VPS45: variants seen among roughly 807,000 people sequenced by gnomAD.
VPS45 encodes the protein vacuolar protein sorting 45 homolog, also known as vacuolar protein sorting-associated protein 45.
Under a neutral mutation model 75.9 loss-of-function variants are expected in VPS45, and 35 were observed. The ratio of observed to expected loss-of-function variants is 0.46; its 90% CI spans 0.35 to 0.61. The LOEUF (loss-of-function observed/expected upper bound fraction) is 0.61, where lower values mean the gene tolerates loss of function less well. Among genes scored for constraint, VPS45 ranks in the 20% least tolerant of loss-of-function variants. The probability of loss-of-function intolerance (pLI) is 0.00; values close to 1 mark genes in which losing one functional copy is unlikely to be tolerated. For synonymous variants in VPS45, 220 were observed against 238.2 expected (o/e 0.92, Z 0.70); for missense variants, 559 against 685.9 (o/e 0.81, Z 2.07).
chr1:150,108,726 C>T (rs2101604812), intron 13 of VPS45, among the ~76,000 whole-genome samples: 1 of 152,266 alleles, frequency 6.6e-6, no homozygotes, highest in Admixed American at 6.5e-5. Flanking sequence ...CTACCTCACC[C>T]ATCATCAGGC....
Position 150,110,509 on chromosome 1 carries a change from A to G in VPS45, c.1507A>G (p.Ile503Val). ...STLRDRPQDI[I>V]VFVIGGATYE... ...TCATTATTGCAGACCTCAGGATATC[A>G]TTGTGTTTGTAATTGGAGGAGCCAC... The change falls in exon 14 of 15, where the codon ATT (isoleucine) becomes GTT (valine). Residue 503 changes from isoleucine (I) to valine (V), a missense_variant. Ile to Val is a conservative substitution (Grantham distance 29, BLOSUM62 3). Coordinates refer to ENST00000644510, the MANE Select transcript of VPS45 (RefSeq NM_007259.5). 2.5e-6 allele frequency: 4 copies of G among 1,613,212 alleles called. No homozygotes were observed. The highest frequency in any genetic ancestry group is 3.4e-6 in the Non-Finnish European group (4 of 1,179,600).
At chr1:150,067,774 C>A, upstream of VPS45, 1 of 1,412,022 alleles carries the variant, frequency 7.1e-7, no homozygotes, top group Non-Finnish European at 9.9e-7. Context: ...GAGGAAGCAG[C>A]TGAGACCCGG....
At chr1:150,100,439 A>G (rs1409583704) in intron 13 of VPS45, among the ~76,000 whole-genome samples, 1 of 152,242 alleles carries the variant, frequency 6.6e-6, no homozygotes, top group Non-Finnish European at 1.5e-5. Flanking sequence ...TGCTATTCCT[A>G]TCTAACTACC....
At position 150,112,321 on chromosome 1, in the gene VPS45, G is replaced by A. The variant is rs369498223; in HGVS notation, c.1625+1694G>A. Among the ~76,000 whole-genome samples, 16 of 152,178 alleles carry A rather than the reference G, an allele frequency of 1.1e-4. No individual in the cohort carries two copies. In the East Asian group the frequency reaches 1.5e-3, roughly 15 times the overall value. ...ATTACTTTAATTTTATATGGTCACA[G>A]TTACCTGTGATTTCTGCCTTTGGTG... is the stretch of plus-strand genomic sequence containing the variant. On this transcript the variant is annotated intron_variant, in intron 14 of 14. Transcript: ENST00000644510.
At chr1:150,139,741 G>A (rs917700486) in intron 14 of VPS45, among the ~76,000 whole-genome samples, 6 of 152,102 alleles carry the variant, frequency 3.9e-5, no homozygotes, top group Admixed American at 3.3e-4. Context: ...TTTTTGTAGA[G>A]GGTCTTGCTA....
chr1:150,068,708 C>G lies in VPS45; in HGVS notation c.172C>G (p.Gln58Glu). ...GTACCTCTTTGAACGCATTGATTCT[C>G]AAAATCGAGAGATCATGAAACACCT... is the stretch of plus-strand genomic sequence containing the variant. ...EVYLFERIDS[Q>E]NREIMKHLKA... Residue 58 changes from glutamine (Q) to glutamate (E), a missense_variant, in exon 2 of 15, where the codon CAA becomes GAA. By Grantham distance (29) the Gln-to-Glu change is conservative. Coordinates refer to ENST00000644510, the MANE Select transcript of VPS45 (RefSeq NM_007259.5). 6.2e-7 allele frequency: 1 copy of G among 1,613,314 alleles called. No homozygotes were observed. Among genetic ancestry groups the G allele is most frequent in the Non-Finnish European group, 8.5e-7 (1 of 1,179,616 alleles).
At chr1:150,128,765 A>G (rs1012845351) in intron 14 of VPS45, among the ~76,000 whole-genome samples, 5 of 150,616 alleles carry the variant, frequency 3.3e-5, no homozygotes, top group Admixed American at 2.0e-4. Context: ...AGTGAGACAG[A>G]GTCTCGCTCT....
At chr1:150,132,536 CT>C (rs1360126278) in intron 14 of VPS45, among the ~76,000 whole-genome samples, 9 of 152,148 alleles carry the variant, frequency 5.9e-5, no homozygotes, top group African/African-American at 2.2e-4. Flanking sequence ...AGTTCCATTC[CT>C]CTGACAAAAC....
chr1:150,077,873 GC>G, intron 7 of VPS45, 94 bp downstream of exon 7: 1 of 1,012,324 alleles, frequency 9.9e-7, no homozygotes, highest in Non-Finnish European at 1.5e-6. Context: ...CCATTTATTT[GC>G]CTCCTTATTT....
intron 3 of VPS45, among the ~76,000 whole-genome samples, chr1:150,074,018 T>TG (rs1236502172): frequency 6.7e-6 from 1 of 149,738 alleles, no homozygotes; most frequent in Non-Finnish European, 1.5e-5. Flanking sequence ...TTGTTTTTGT[T>TG]TTTTTTTTTT....
intron 7 of VPS45, among the ~76,000 whole-genome samples, chr1:150,080,560 AAT>A (rs1553799106): frequency 6.6e-6 from 1 of 152,226 alleles, no homozygotes. Context: ...TTTCTTAATA[AAT>A]CTAGTTTTCT....
intron 13 of VPS45, among the ~76,000 whole-genome samples, chr1:150,096,917 T>C (rs1259172679): frequency 6.6e-6 from 1 of 151,484 alleles, no homozygotes; most frequent in Non-Finnish European, 1.5e-5. Flanking sequence ...ACTGAAGTAA[T>C]AGCAAAAAAA....
chr1:150,078,404 ACT>A (rs587697352), intron 7 of VPS45, among the ~76,000 whole-genome samples: 86 of 152,186 alleles, frequency 5.7e-4, no homozygotes, highest in African/African-American at 2.0e-3. Context: ...TGCTTTCTAA[ACT>A]CTAGAATGTT....
chr1:150,088,139 A>T (rs1553801116), intron 10 of VPS45, among the ~76,000 whole-genome samples: 1 of 152,118 alleles, frequency 6.6e-6, no homozygotes, highest in Non-Finnish European at 1.5e-5. Context: ...AACTCTATTC[A>T]TGCTACTATG....
rs587737223 is a variant in VPS45, at chr1:150,081,236, AAAG to A, written c.688-101_688-99del. ...AAATTTAACTCGAGAATCTTCATGT[AAAG>A]AAGACTAGTTAAAGAATGTTATCAG... On this transcript the variant is annotated intron_variant, in intron 7 of 14. Transcript: ENST00000644510. 558 of 1,112,282 alleles carry A rather than the reference AAAG, an allele frequency of 5.0e-4. 3 individuals carry two copies. The Admixed American group carries it at 0.015, about 31-fold the overall frequency. 68.9% of individuals were successfully genotyped at this position (1,112,282 alleles called of 1,614,324 possible). A position where few individuals can be genotyped will look rare whatever the true frequency, so the allele number is the denominator to read the frequency against.
chr1:150,139,552 A>G (rs1659274390), intron 14 of VPS45, among the ~76,000 whole-genome samples: 2 of 145,954 alleles, frequency 1.4e-5, no homozygotes, highest in African/African-American at 5.2e-5. Flanking sequence ...ACATTGATGA[A>G]CTCTCTTTTT....
chr1:150,099,683 A>C (rs1436490294), intron 13 of VPS45, among the ~76,000 whole-genome samples: 1 of 151,612 alleles, frequency 6.6e-6, no homozygotes, highest in Non-Finnish European at 1.5e-5. Context: ...AATACAAAAA[A>C]TGAGCCAGGT....
chr1:150,092,162 G>A (rs960060785), intron 11 of VPS45, 67 bp downstream of exon 11: 9 of 1,545,700 alleles, frequency 5.8e-6, no homozygotes, highest in African/African-American at 1.4e-5. Flanking sequence ...TAGCTCTAAC[G>A]AATGATAAAT....
Position 150,076,263 on chromosome 1 carries a change from T to A in VPS45, c.320T>A (p.Val107Glu), listed in dbSNP as rs1306410103. The change falls in exon 4 of 15, where the codon GTG (valine) becomes GAG (glutamate). Residue 107 changes from valine (V) to glutamate (E), a missense_variant. Physicochemically the swap from Val to Glu is moderately radical, Grantham distance 121 (BLOSUM62 -2). Transcript: ENST00000644510. ...YFSNVISKSD[V>E]KSLAEADEQE... ...AGTAATGTGATCAGCAAGAGTGACGTGAAGTCATTGGCTGAAGCTGATGAA... is the reference window on the plus strand; with the variant it reads ...AGTAATGTGATCAGCAAGAGTGACGAGAAGTCATTGGCTGAAGCTGATGAA... 14 of 1,608,444 alleles carry A rather than the reference T, an allele frequency of 8.7e-6. No homozygotes were observed. Among genetic ancestry groups the A allele is most frequent in the Non-Finnish European group, 1.2e-5 (14 of 1,177,108 alleles).
Sources: allele counts gnomAD v4.1 joint callset (sites outside exome capture counted in the v4.1 genomes callset), GRCh38; gene constraint gnomAD v4.1.1; transcripts MANE v1.5; gene names NCBI Gene and HGNC (gene_info 2026-07-23, HGNC 2026-07-21).